The following TTC1 variants were observed in gnomAD, a reference collection of about 807,000 sequenced individuals.
TTC1 encodes the protein tetratricopeptide repeat domain 1.
Under a neutral mutation model 37.6 loss-of-function variants are expected in TTC1, and 31 were observed. That is an observed-to-expected ratio of 0.82 (90% CI 0.62 to 1.11). TTC1 has a LOEUF of 1.11. TTC1 is among the 50% of genes most tolerant of loss of function. The pLI is 0.00. For missense variants in TTC1, 351 were observed against 339.0 expected, an observed-to-expected ratio of 1.04 and a Z score of -0.28; for synonymous variants, 127 against 122.4, an observed-to-expected ratio of 1.04 and a Z score of -0.25.
At chr5:160,048,891 T>C (rs1231349711) in intron 5 of TTC1, among the ~76,000 whole-genome samples, 1 of 151,790 alleles carries the variant, frequency 6.6e-6, no homozygotes, top group Non-Finnish European at 1.5e-5. Context: ...GAGGTGGTTG[T>C]AGTGAGCCAA....
intron 1 of TTC1, among the ~76,000 whole-genome samples, 173 bp downstream of exon 1, chr5:160,009,366 C>T (rs1198918578): frequency 6.6e-6 from 1 of 152,098 alleles, no homozygotes; most frequent in Non-Finnish European, 1.5e-5. Context: ...GCGAAGTCTC[C>T]GTATTAAGAT....
At chr5:160,056,955 C>T (rs1286177161) in intron 7 of TTC1, among the ~76,000 whole-genome samples, 1 of 152,078 alleles carries the variant, frequency 6.6e-6, no homozygotes, top group Non-Finnish European at 1.5e-5. Flanking sequence ...TGAAGCCATA[C>T]ATGTAGGTAC....
In TTC1 at chr5:160,045,494, A is replaced by T. The variant is rs1312924135; in HGVS notation, c.541+2325A>T. On this transcript the variant is annotated intron_variant, in intron 5 of 7. Coordinates refer to ENST00000231238, the MANE Select transcript of TTC1 (RefSeq NM_003314.3). ...CACACACACACACACACACACACACACACACACACACACACACACATACAC... is the reference window on the plus strand; with the variant it reads ...CACACACACACACACACACACACACTCACACACACACACACACACATACAC... Among the ~76,000 whole-genome samples the T allele has an allele frequency of 3.1e-4, 35 of 113,148 alleles. 1 individual carries two copies. Among genetic ancestry groups the T allele is most frequent in the African/African-American group, 8.7e-4 (25 of 28,814 alleles). The allele number at this position is 113,148 out of a possible 152,430, so 74.2% of individuals were successfully genotyped here.
intron 2 of TTC1, among the ~76,000 whole-genome samples, chr5:160,016,321 A>T (rs7712032): frequency 0.99 from 151,144 of 152,296 alleles, 75,003 homozygotes; most frequent in Middle Eastern, 1. Context: ...GAGGTTGCAG[A>T]GAGCCGAGAT....
intron 6 of TTC1, 49 bp from the exon 7 acceptor site, chr5:160,051,080 T>TG (rs750386256): frequency 7.2e-7 from 1 of 1,380,296 alleles, no homozygotes; most frequent in Non-Finnish European, 9.7e-7. Context: ...GGAAAGGTTT[T>TG]GGTTTTTTTT....
intron 7 of TTC1, among the ~76,000 whole-genome samples, chr5:160,058,409 C>CTT (rs1171929571): frequency 6.6e-4 from 85 of 129,768 alleles, no homozygotes; most frequent in African/African-American, 8.2e-4. Flanking sequence ...AAGTGTATTT[C>CTT]TTTTTTTTTT....
chr5:160,043,118 T>A lies in TTC1; in HGVS notation c.505-15T>A. 4 of 1,613,324 alleles carry A rather than the reference T, an allele frequency of 2.5e-6. No homozygotes were observed. The highest frequency in any genetic ancestry group is 3.4e-6 in the Non-Finnish European group (4 of 1,179,586). On this transcript the variant is annotated splice_polypyrimidine_tract_variant and intron_variant, in intron 4 of 7. Transcript: ENST00000231238. Reference sequence around the variant, plus strand: ...AAACTAGGGCAACACATATTAATACTGTTTTTCTTTTTAGGACAAGAAAGA... The same window carrying A: ...AAACTAGGGCAACACATATTAATACAGTTTTTCTTTTTAGGACAAGAAAGA...
chr5:160,054,745 AGATTT>A (rs1162639607), intron 7 of TTC1, among the ~76,000 whole-genome samples: 1 of 152,226 alleles, frequency 6.6e-6, no homozygotes, highest in Non-Finnish European at 1.5e-5. Context: ...AGGAACATAA[AGATTT>A]GAAGTCAGGT....
rs1156794247 is a variant in TTC1, at chr5:160,057,186, T to C, written c.745+6003T>C. 2.0e-5 allele frequency among the ~76,000 whole-genome samples: 3 copies of C among 152,208 alleles called. No individual in the cohort carries two copies. The highest frequency in any genetic ancestry group is 4.4e-5 in the Non-Finnish European group (3 of 68,036). On this transcript the variant is annotated intron_variant, in intron 7 of 7. Transcript: ENST00000231238. This position sits in a 1 kb window ranked among gnomAD's most constrained non-coding sequence, Gnocchi z 4.4. ...CTAATTGCTATCCTGAGGCTTCTCTTAGGAGAATAGTTCCCACTTCTTTGA... is the reference window on the plus strand; with the variant it reads ...CTAATTGCTATCCTGAGGCTTCTCTCAGGAGAATAGTTCCCACTTCTTTGA...
intron 2 of TTC1, among the ~76,000 whole-genome samples, chr5:160,027,904 G>C (rs1221190772): frequency 1.3e-5 from 2 of 152,076 alleles, no homozygotes; most frequent in South Asian, 2.1e-4. Flanking sequence ...TCACCACTCT[G>C]ATACTCTGGT....
At chr5:160,016,076 A>G (rs1756600328) in intron 2 of TTC1, among the ~76,000 whole-genome samples, 1 of 152,172 alleles carries the variant, frequency 6.6e-6, no homozygotes, top group African/African-American at 2.4e-5. Context: ...TATACAATGC[A>G]GTTGTTAAAG....
At chr5:160,046,034 C>G (rs1319100215) in intron 5 of TTC1, among the ~76,000 whole-genome samples, 1 of 152,204 alleles carries the variant, frequency 6.6e-6, no homozygotes, top group African/African-American at 2.4e-5. Context: ...AGCCACTGCC[C>G]CCAGCTCAAG....
chr5:160,034,778 A>G (rs542304173), intron 2 of TTC1, among the ~76,000 whole-genome samples: 39 of 152,332 alleles, frequency 2.6e-4, no homozygotes, highest in African/African-American at 9.1e-4. Context: ...AGAAGCTACA[A>G]TTTGAATTTA....
At chr5:160,060,005 GA>G (rs1757656998) in intron 7 of TTC1, among the ~76,000 whole-genome samples, 1 of 152,222 alleles carries the variant, frequency 6.6e-6, no homozygotes, top group Non-Finnish European at 1.5e-5. Context: ...GCCTGTATAA[GA>G]ATTTCAACTG....
chr5:160,036,278 T>C (rs975475625), intron 3 of TTC1, among the ~76,000 whole-genome samples: 1 of 152,192 alleles, frequency 6.6e-6, no homozygotes, highest in Non-Finnish European at 1.5e-5. Flanking sequence ...AAAACAAATA[T>C]GTATAATTTT....
At position 160,041,851 on chromosome 5, in the gene TTC1, C is replaced by T. The variant is rs73309352; in HGVS notation, c.505-1282C>T. On this transcript the variant is annotated intron_variant, in intron 4 of 7. Transcript: ENST00000231238. ...ACAATTCTGTGGATTAAAATACCTT[C>T]ACAGTGTTATACAGCCAACACCACT... 7.2e-3 allele frequency among the ~76,000 whole-genome samples: 1,091 copies of T among 152,300 alleles called. 12 individuals are homozygous for T. The highest frequency in any genetic ancestry group is 0.025 in the African/African-American group (1,040 of 41,554).
intron 2 of TTC1, among the ~76,000 whole-genome samples, chr5:160,023,246 A>G (rs1294552967): frequency 6.7e-6 from 1 of 148,206 alleles, no homozygotes; most frequent in Non-Finnish European, 1.5e-5. Context: ...ACAGAACAAA[A>G]CACTGTCTCA....
intron 5 of TTC1, among the ~76,000 whole-genome samples, chr5:160,045,454 CCACACACACACACA>C (rs57919333): frequency 0.015 from 586 of 38,880 alleles, 17 homozygotes; most frequent in Middle Eastern, 0.042. Flanking sequence ...CCCCCACCCT[CCACACACACACACA>C]CACACACACA....
At chr5:160,032,637 A>T (rs954564138) in intron 2 of TTC1, among the ~76,000 whole-genome samples, 7 of 150,660 alleles carry the variant, frequency 4.6e-5, no homozygotes, top group Middle Eastern at 3.5e-3. Flanking sequence ...CTGTCCTGGC[A>T]AGTCTTTCAC....
Sources: gnomAD v4.1 joint callset for allele counts (sites outside exome capture counted in the v4.1 genomes callset) on GRCh38, gnomAD v4.1.1 for gene constraint, Gnocchi (gnomAD v3.1) non-coding constraint, MANE v1.5 for transcripts, NCBI Gene and HGNC (gene_info 2026-07-23, HGNC 2026-07-21) for gene names.